The following DAPK1 variants were observed in gnomAD, a reference collection of about 807,000 sequenced individuals.
DAPK1 encodes death associated protein kinase 1, also known as death-associated protein kinase 1.
DAPK1 carries 56 observed loss-of-function variants against 144.9 expected under a neutral mutation model. The ratio of observed to expected loss-of-function variants is 0.39; its 90% CI spans 0.31 to 0.48. The LOEUF is 0.48. Ranked by LOEUF, DAPK1 falls within the 20% of genes least tolerant of loss-of-function variation. The probability of loss-of-function intolerance (pLI) is 0.95; values close to 1 mark genes in which losing one functional copy is unlikely to be tolerated. For synonymous variants in DAPK1, 690 were observed against 749.0 expected (o/e 0.92, Z 1.29); for missense variants, 1,454 against 1,875.4 (o/e 0.78, Z 4.15).
chr9:87,647,473 C>G (rs563919616), intron 14 of DAPK1, 70 bp downstream of exon 14: 2 of 1,307,692 alleles, frequency 1.5e-6, no homozygotes, highest in South Asian at 2.4e-5. Context: ...GAGTGCTGGC[C>G]TACCGTGTGC....
chr9:87,518,099 G>GTTTTTTTTT (rs1554675822), intron 2 of DAPK1, among the ~76,000 whole-genome samples: 1 of 126,044 alleles, frequency 7.9e-6, no homozygotes, highest in African/African-American at 3.4e-5. Context: ...TGCCGTTTAT[G>GTTTTTTTTT]TTGTTGTTTT....
At chr9:87,507,371 C>T (rs532297062) in intron 2 of DAPK1, among the ~76,000 whole-genome samples, 1 of 152,262 alleles carries the variant, frequency 6.6e-6, no homozygotes, top group African/African-American at 2.4e-5. Context: ...CACCACCACG[C>T]CTGGCTAATT....
chr9:87,698,767 C>T lies in DAPK1; in HGVS notation c.2723C>T (p.Thr908Ile), dbSNP rs770006397. ...GGCGAGTTTGGATATGACAAAGACA[C>T]ATCGTTGCTGAAAGAGATTAGGAAC... ...AGGEFGYDKDTSLLKEIRNRF... is the reference protein window; with the variant it reads ...AGGEFGYDKDISLLKEIRNRF... The change falls in exon 23 of 26, where the codon ACA becomes ATA. Residue 908 changes from threonine to isoleucine, a missense_variant. Around this residue, in one of 2 missense-constraint regions of DAPK1, gnomAD observed 1,025 missense variants for 1,237.9 expected, o/e 0.83. Transcript: ENST00000408954. The T allele has an allele frequency of 3.7e-6, 6 of 1,606,962 alleles. No homozygotes were observed. The Admixed American group carries it at 1.0e-4, about 27-fold the overall frequency.
In DAPK1 at chr9:87,639,930, A is replaced by G. The variant is rs1830039533; in HGVS notation, c.629+115A>G. 6.1e-6 allele frequency: 7 copies of G among 1,144,196 alleles called. No homozygotes were observed. In the Middle Eastern group the frequency reaches 8.7e-4, roughly 142 times the overall value. The allele number at this position is 1,144,196 out of a possible 1,614,324, so 70.9% of individuals were successfully genotyped here. On this transcript the variant is annotated intron_variant, in intron 7 of 25. Transcript: ENST00000408954. ...CAGCTTATGCATGCTTTTGATGCAA[A>G]CATATTCATTTTACACCCCCAAAAC...
intron 2 of DAPK1, among the ~76,000 whole-genome samples, chr9:87,564,342 CAT>C (rs1273882002): frequency 2.6e-5 from 4 of 152,184 alleles, no homozygotes; most frequent in East Asian, 3.9e-4. Context: ...TTCACTGAGA[CAT>C]GTGTGACAAA....
intron 2 of DAPK1, among the ~76,000 whole-genome samples, chr9:87,514,008 C>G (rs558127122): frequency 1.1e-4 from 16 of 152,270 alleles, no homozygotes; most frequent in Non-Finnish European, 1.9e-4. Flanking sequence ...CAGCCACCTC[C>G]TCACACTCTT....
intron 2 of DAPK1, among the ~76,000 whole-genome samples, chr9:87,515,582 T>C (rs918281502): frequency 2.0e-5 from 3 of 152,084 alleles, no homozygotes; most frequent in African/African-American, 7.2e-5. Context: ...TAGGAAGAAC[T>C]CAGCTGTCCA....
rs1266162109 is a variant in DAPK1 at position 87,707,026 on chromosome 9, C to T, written c.3955C>T (p.Pro1319Ser). The change falls in exon 26 of 26, where the codon CCG becomes TCG. Residue 1319 changes from proline to serine, a missense_variant. By Grantham distance (74) the Pro-to-Ser change is moderately conservative. This residue lies in a region of DAPK1 where 1,025 missense variants were observed against 1,237.9 expected (regional missense o/e 0.83). Transcript: ENST00000408954. This position sits in a 1 kb window ranked among gnomAD's most constrained non-coding sequence, Gnocchi z 4.0. The stretch of plus-strand genomic sequence containing the variant: ...GAGGAAACTGAGTCGCCTGCTGGAC[C>T]CGCCCGACCCCCTGGGGAAGGACTG... Reference protein sequence around the residue: ...TRRKLSRLLDPPDPLGKDWCL... With the variant: ...TRRKLSRLLDSPDPLGKDWCL... 1.2e-6 allele frequency: 2 copies of T among 1,613,648 alleles called. No homozygotes were observed. Among genetic ancestry groups the T allele is most frequent in the Non-Finnish European group, 1.7e-6 (2 of 1,179,906 alleles).
intron 20 of DAPK1, among the ~76,000 whole-genome samples, chr9:87,682,648 C>G (rs1824680762): frequency 6.6e-6 from 1 of 152,108 alleles, no homozygotes; most frequent in Admixed American, 6.5e-5. Flanking sequence ...GAAAGAATAA[C>G]CAAAACAGAG....
At chr9:87,610,612 C>G (rs576005305) in intron 3 of DAPK1, among the ~76,000 whole-genome samples, 14 of 152,354 alleles carry the variant, frequency 9.2e-5, no homozygotes, top group Admixed American at 6.5e-4. Context: ...GTCTGCCCAG[C>G]CATTGTTCAA....
intron 14 of DAPK1, 177 bp from the exon 15 acceptor site, chr9:87,648,604 A>G (rs1173689100): frequency 1.7e-6 from 1 of 594,868 alleles, no homozygotes; most frequent in African/African-American, 1.9e-5. Context: ...TGTGTGGTGG[A>G]CACCCCAACC....
At chr9:87,705,429 C>G (rs573405137) in intron 25 of DAPK1, among the ~76,000 whole-genome samples, 1 of 152,002 alleles carries the variant, frequency 6.6e-6, no homozygotes, top group African/African-American at 2.4e-5. Flanking sequence ...ACCATGTTGG[C>G]CAGGCTGGTC....
At chr9:87,691,635 C>A (rs1488354683) in intron 21 of DAPK1, among the ~76,000 whole-genome samples, 12 of 151,852 alleles carry the variant, frequency 7.9e-5, no homozygotes, top group Non-Finnish European at 1.3e-4. Context: ...TTGTTATAAA[C>A]TTCCTTCTTA....
intron 2 of DAPK1, among the ~76,000 whole-genome samples, chr9:87,508,750 T>C (rs1824713592): frequency 6.6e-6 from 1 of 151,746 alleles, no homozygotes; most frequent in South Asian, 2.1e-4. Flanking sequence ...ATGCCATTCT[T>C]TTTTTTCCCC....
chr9:87,700,247 C>T lies in DAPK1; in HGVS notation c.2871+10C>T, dbSNP rs776454921. 6.2e-7 allele frequency: 1 copy of T among 1,608,754 alleles called. No homozygotes were observed. The highest frequency in any genetic ancestry group is 1.1e-5 in the South Asian group (1 of 90,974). On this transcript the variant is annotated intron_variant, in intron 24 of 25. Coordinates refer to ENST00000408954, the MANE Select transcript of DAPK1 (RefSeq NM_004938.4). Reference sequence around the variant, plus strand: ...AAGCCAGATTGTTTCGGTAAGTACACCATGGAAAGAGCCTGGACCCCTTTG... The same window carrying T: ...AAGCCAGATTGTTTCGGTAAGTACATCATGGAAAGAGCCTGGACCCCTTTG...
intron 2 of DAPK1, among the ~76,000 whole-genome samples, chr9:87,524,887 A>G (rs1400535515): frequency 6.6e-6 from 1 of 152,136 alleles, no homozygotes; most frequent in Non-Finnish European, 1.5e-5. Context: ...GGGGACTTAG[A>G]GGGAAAGGGT....
chr9:87,581,738 C>T (rs1827759443), intron 2 of DAPK1, among the ~76,000 whole-genome samples: 1 of 152,224 alleles, frequency 6.6e-6, no homozygotes, highest in African/African-American at 2.4e-5. Flanking sequence ...ACTTCCAGGA[C>T]TGGACTGATT....
At chr9:87,525,368 G>A (rs1419379159) in intron 2 of DAPK1, 24 of 1,610,902 alleles carry the variant, frequency 1.5e-5, no homozygotes, top group African/African-American at 2.7e-5. Flanking sequence ...CTCTTGTTGC[G>A]TGTGTTCAAA....
intron 2 of DAPK1, among the ~76,000 whole-genome samples, chr9:87,599,665 ACAGACTGTT>A (rs1264436976): frequency 6.6e-6 from 1 of 152,218 alleles, no homozygotes; most frequent in African/African-American, 2.4e-5. Context: ...ATCTAATGCA[ACAGACTGTT>A]CTGTCAGTTA....
Sources: gnomAD v4.1 joint callset for allele counts (sites outside exome capture counted in the v4.1 genomes callset) on GRCh38, gnomAD v4.1.1 for gene constraint, gnomAD v4.1.1 regional missense constraint, Gnocchi (gnomAD v3.1) non-coding constraint, MANE v1.5 for transcripts, NCBI Gene and HGNC (gene_info 2026-07-23, HGNC 2026-07-21) for gene names.